The following CADPS2 variants were observed in gnomAD, a reference collection of about 807,000 sequenced individuals.
CADPS2 encodes calcium-dependent secretion activator 2.
In CADPS2, 93 loss-of-function variants were observed where a neutral mutation model predicts 172.5. That is an observed-to-expected ratio of 0.54 (90% CI 0.46 to 0.64). CADPS2 has a LOEUF of 0.64. Ranked by LOEUF, CADPS2 falls within the 30% of genes least tolerant of loss-of-function variation. CADPS2 has a pLI of 0.00. For synonymous variants in CADPS2, 546 were observed against 555.2 expected, an observed-to-expected ratio of 0.98 and a Z score of 0.23; for missense variants, 1,420 against 1,565.9, an observed-to-expected ratio of 0.91 and a Z score of 1.57.
At chr7:122,678,685 A>G (rs1411853204) in intron 2 of CADPS2, among the ~76,000 whole-genome samples, 1 of 152,184 alleles carries the variant, frequency 6.6e-6, no homozygotes, top group African/African-American at 2.4e-5. Context: ...AAGATACCTC[A>G]AAAGGCCGAT....
intron 7 of CADPS2, among the ~76,000 whole-genome samples, chr7:122,566,164 C>T (rs7786557): frequency 0.25 from 38,036 of 151,940 alleles, 5,519 homozygotes; most frequent in African/African-American, 0.39. Flanking sequence ...TGCTCAACAT[C>T]GCTAATCATC....
At chr7:122,682,159 T>A (rs2083124127) in intron 2 of CADPS2, among the ~76,000 whole-genome samples, 2 of 152,214 alleles carry the variant, frequency 1.3e-5, no homozygotes, top group East Asian at 3.8e-4. Flanking sequence ...GCCTCTTGTA[T>A]AAACACAAAG....
intron 14 of CADPS2, among the ~76,000 whole-genome samples, chr7:122,453,910 G>A (rs1284262946): frequency 3.3e-5 from 5 of 152,146 alleles, no homozygotes; most frequent in Non-Finnish European, 5.9e-5. Flanking sequence ...CCATTTTACT[G>A]AGTTTATCAC....
rs141753934 is a variant in CADPS2, at chr7:122,452,762, T to C, written c.2187-1287A>G. On this transcript the variant is annotated intron_variant, in intron 14 of 29. Coordinates refer to ENST00000449022, the MANE Select transcript of CADPS2 (RefSeq NM_017954.11). ...TTGTGCATTTATCATTCCAATGTAC[T>C]AATTTTAATGGTTATATATAAAATA... is the stretch of plus-strand genomic sequence containing the variant. 7.1e-3 allele frequency among the ~76,000 whole-genome samples: 1,085 copies of C among 152,296 alleles called. 17 individuals carry two copies. The highest frequency in any genetic ancestry group is 0.037 in the East Asian group (191 of 5,190).
intron 11 of CADPS2, among the ~76,000 whole-genome samples, chr7:122,485,617 G>C (rs1423981997): frequency 6.6e-6 from 1 of 152,152 alleles, no homozygotes; most frequent in Non-Finnish European, 1.5e-5. Context: ...AAAAGTACAA[G>C]GTGAAACAGC....
chr7:122,397,880 C>G (rs2045372883), intron 20 of CADPS2, among the ~76,000 whole-genome samples: 1 of 152,144 alleles, frequency 6.6e-6, no homozygotes, highest in African/African-American at 2.4e-5. Context: ...AAGGGCTGCT[C>G]AGAATGAGTC....
At chr7:122,527,178 A>T (rs567103410) in intron 8 of CADPS2, among the ~76,000 whole-genome samples, 73 of 152,226 alleles carry the variant, frequency 4.8e-4, no homozygotes, top group Middle Eastern at 3.4e-3. Flanking sequence ...AATGTGAATG[A>T]TGAAAACATT....
At chr7:122,645,939 A>C (rs574050326) in intron 3 of CADPS2, among the ~76,000 whole-genome samples, 3 of 151,748 alleles carry the variant, frequency 2.0e-5, no homozygotes, top group Admixed American at 1.3e-4. Flanking sequence ...TATTATTTTA[A>C]AATAATTATT....
chr7:122,548,941 A>G (rs909587458), intron 8 of CADPS2, among the ~76,000 whole-genome samples: 3 of 152,228 alleles, frequency 2.0e-5, no homozygotes, highest in African/African-American at 7.2e-5. Flanking sequence ...TAGCTGTCAA[A>G]TAAAAATGTA....
intron 19 of CADPS2, among the ~76,000 whole-genome samples, chr7:122,412,197 A>C (rs1025125929): frequency 6.6e-6 from 1 of 152,204 alleles, no homozygotes; most frequent in Admixed American, 6.5e-5. Context: ...ATCCTAAAAA[A>C]AGATTTATCT....
intron 3 of CADPS2, among the ~76,000 whole-genome samples, chr7:122,637,638 A>G (rs1248494894): frequency 6.6e-6 from 1 of 152,198 alleles, no homozygotes; most frequent in Non-Finnish European, 1.5e-5. Flanking sequence ...GTTGCTACCC[A>G]GATTCTGAAT....
intron 1 of CADPS2, among the ~76,000 whole-genome samples, chr7:122,756,853 T>A (rs1285924464): frequency 6.6e-6 from 1 of 151,742 alleles, no homozygotes; most frequent in Admixed American, 6.6e-5. Flanking sequence ...TGAGCCAAGA[T>A]TGCGCCACTG....
intron 7 of CADPS2, among the ~76,000 whole-genome samples, chr7:122,576,631 C>T (rs1369165943): frequency 6.6e-6 from 1 of 152,162 alleles, no homozygotes; most frequent in Non-Finnish European, 1.5e-5. Flanking sequence ...TGTGTCCCCA[C>T]CCAAATCTTA....
At chr7:122,567,073 A>T (rs2066568308) in intron 7 of CADPS2, among the ~76,000 whole-genome samples, 1 of 152,170 alleles carries the variant, frequency 6.6e-6, no homozygotes, top group East Asian at 1.9e-4. Context: ...AGTGAGCTCC[A>T]GTGTCCTTTT....
chr7:122,767,841 G>A (rs139100812), intron 1 of CADPS2, among the ~76,000 whole-genome samples: 11 of 152,276 alleles, frequency 7.2e-5, no homozygotes, highest in South Asian at 2.1e-4. Flanking sequence ...ATAGTAGAAC[G>A]TAGATGATCT....
chr7:122,834,757 G>A (rs1382980768), intron 1 of CADPS2, among the ~76,000 whole-genome samples: 1 of 152,190 alleles, frequency 6.6e-6, no homozygotes, highest in Non-Finnish European at 1.5e-5. Flanking sequence ...TGCCATCGCT[G>A]AGGCTCGAGT....
intron 15 of CADPS2, among the ~76,000 whole-genome samples, chr7:122,444,165 A>T (rs1457743676): frequency 6.6e-6 from 1 of 151,996 alleles, no homozygotes. Context: ...ATTCCTTTTT[A>T]TTGGTGGGTA....
At chr7:122,389,916 T>C (rs2044159199) in intron 22 of CADPS2, among the ~76,000 whole-genome samples, 1 of 152,018 alleles carries the variant, frequency 6.6e-6, no homozygotes, top group Non-Finnish European at 1.5e-5. Flanking sequence ...AATAAATTGT[T>C]TAAAGCACCA....
At chr7:122,577,925 C>G (rs1211873282) in intron 7 of CADPS2, among the ~76,000 whole-genome samples, 1 of 151,636 alleles carries the variant, frequency 6.6e-6, no homozygotes, top group African/African-American at 2.4e-5. Context: ...TAAATGCTAC[C>G]CGAATTTTTA....
Sources: gnomAD v4.1 joint callset for allele counts (sites outside exome capture counted in the v4.1 genomes callset) on GRCh38, gnomAD v4.1.1 for gene constraint, MANE v1.5 for transcripts, NCBI Gene and HGNC (gene_info 2026-07-23, HGNC 2026-07-21) for gene names.